Variants in MACROD1 observed in about 807,000 individuals in gnomAD.
MACROD1 encodes mono-ADP ribosylhydrolase 1, also known as ADP-ribose glycohydrolase MACROD1.
MACROD1 carries 31 observed loss-of-function variants against 41.4 expected under a neutral mutation model. The observed-to-expected ratio is 0.75, with a 90% CI of 0.56 to 1.01. The LOEUF (loss-of-function observed/expected upper bound fraction) is 1.01. Ranked by LOEUF, MACROD1 falls within the 50% of genes least tolerant of loss-of-function variation. The pLI is 0.00. For synonymous variants in MACROD1, 252 were observed against 203.4 expected, an observed-to-expected ratio of 1.24 and a Z score of -2.03; for missense variants, 473 against 460.0, an observed-to-expected ratio of 1.03 and a Z score of -0.26.
chr11:64,079,118 C>T (rs1330250481), intron 3 of MACROD1, among the ~76,000 whole-genome samples: 2 of 108,146 alleles, frequency 1.8e-5, no homozygotes, highest in Non-Finnish European at 3.8e-5. Flanking sequence ...CAGTGGGGGG[C>T]GGTGGACGGG....
intron 3 of MACROD1, among the ~76,000 whole-genome samples, chr11:64,112,469 G>A (rs1437393639): frequency 2.0e-5 from 3 of 152,124 alleles, no homozygotes; most frequent in Admixed American, 6.5e-5. Flanking sequence ...ACCCAAGATC[G>A]CTCCACTGCA....
chr11:64,072,413 C>G (rs1417844989), intron 3 of MACROD1, among the ~76,000 whole-genome samples: 1 of 149,930 alleles, frequency 6.7e-6, no homozygotes, highest in Non-Finnish European at 1.5e-5. Context: ...GTCAGCTGAT[C>G]CGGCTCATTT....
At chr11:64,007,459 A>C (rs1243027469) in intron 4 of MACROD1, among the ~76,000 whole-genome samples, 2 of 152,254 alleles carry the variant, frequency 1.3e-5, no homozygotes, top group African/African-American at 4.8e-5. Flanking sequence ...AGAGTCCGGG[A>C]TGAGAGTCCG....
chr11:64,061,659 T>C (rs1299533362), intron 3 of MACROD1, among the ~76,000 whole-genome samples: 1 of 152,032 alleles, frequency 6.6e-6, no homozygotes, highest in Non-Finnish European at 1.5e-5. Flanking sequence ...TTTGATATGA[T>C]ACTATCAAGG....
Position 63,999,449 on chromosome 11 carries a change from C to T in MACROD1, c.818-45G>A, listed in dbSNP as rs774270371. 1.9e-6 allele frequency: 3 copies of T among 1,560,136 alleles called. No individual in the cohort carries two copies. In the African/African-American group the frequency reaches 4.0e-5, roughly 21 times the overall value. ...AGTGAGTCCTAGGCTCTGGCCCCGCCCACTCCCCTGTCCGCCCCGGCCCCT... is the reference window on the plus strand; with the variant it reads ...AGTGAGTCCTAGGCTCTGGCCCCGCTCACTCCCCTGTCCGCCCCGGCCCCT... On this transcript the variant is annotated intron_variant, in intron 7 of 10. Transcript: ENST00000255681.
chr11:64,079,307 G>C (rs1944262310), intron 3 of MACROD1, among the ~76,000 whole-genome samples: 1 of 152,068 alleles, frequency 6.6e-6, no homozygotes, highest in African/African-American at 2.4e-5. Context: ...GATGCCTCTG[G>C]GAATGAGACA....
Position 64,120,425 on chromosome 11 carries a change from G to A in MACROD1, c.517+30814C>T, listed in dbSNP as rs1359642441. On this transcript the variant is annotated intron_variant, in intron 3 of 10. Transcript: ENST00000255681. The surrounding 1 kb of genome is among the most constrained non-coding windows in gnomAD (Gnocchi z 4.5). Reference sequence around the variant, plus strand: ...CCCCAGGCCGGGTGCAGTGGCTCACGCCTGTAATCCCAGCACTTTGGGAGA... The same window carrying A: ...CCCCAGGCCGGGTGCAGTGGCTCACACCTGTAATCCCAGCACTTTGGGAGA... Among the ~76,000 whole-genome samples, 2 of 152,188 alleles carry A rather than the reference G, an allele frequency of 1.3e-5. No homozygotes were observed. The highest frequency in any genetic ancestry group is 2.9e-5 in the Non-Finnish European group (2 of 68,046).
chr11:64,097,266 G>A (rs1307238011), intron 3 of MACROD1, among the ~76,000 whole-genome samples: 1 of 152,256 alleles, frequency 6.6e-6, no homozygotes, highest in Non-Finnish European at 1.5e-5. Flanking sequence ...AGGGGCAGGT[G>A]GCTACGGTCT....
intron 3 of MACROD1, among the ~76,000 whole-genome samples, chr11:64,034,759 CAGA>C (rs1943342744): frequency 6.6e-6 from 1 of 152,192 alleles, no homozygotes; most frequent in Non-Finnish European, 1.5e-5. Flanking sequence ...GGGTCCCAGC[CAGA>C]CTGTGGGCGG....
At chr11:64,030,210 C>G (rs1209453056) in intron 3 of MACROD1, among the ~76,000 whole-genome samples, 1 of 152,034 alleles carries the variant, frequency 6.6e-6, no homozygotes. Flanking sequence ...TACCCACTCC[C>G]CAGTAGCTGG....
intron 1 of MACROD1, 118 bp downstream of exon 1, chr11:64,165,579 C>T (rs1339436708): frequency 2.2e-6 from 2 of 906,354 alleles, no homozygotes; most frequent in Non-Finnish European, 3.1e-6. Flanking sequence ...GCAGATGGGG[C>T]CTCAACTTCC....
At position 64,125,248 on chromosome 11, in the gene MACROD1, A is replaced by T. The variant is rs1005112383; in HGVS notation, c.517+25991T>A. 2.0e-5 allele frequency among the ~76,000 whole-genome samples: 3 copies of T among 151,918 alleles called. 1 individual carries two copies. The highest frequency in any genetic ancestry group is 4.4e-5 in the Non-Finnish European group (3 of 67,962). ...GCACTGTGGCCATCTGAGTGGGCAC[A>T]GTGCCCTGGCCCCCCTGCCTCCCCA... On this transcript the variant is annotated intron_variant, in intron 3 of 10. Coordinates refer to ENST00000255681, the MANE Select transcript of MACROD1 (RefSeq NM_014067.4).
At chr11:64,039,304 AG>A (rs1943441243) in intron 3 of MACROD1, among the ~76,000 whole-genome samples, 1 of 152,106 alleles carries the variant, frequency 6.6e-6, no homozygotes, top group Admixed American at 6.5e-5. Flanking sequence ...CCCCGGGGGT[AG>A]CTTTCCCTGC....
At chr11:64,015,918 G>A (rs1373868654) in intron 3 of MACROD1, among the ~76,000 whole-genome samples, 1 of 152,214 alleles carries the variant, frequency 6.6e-6, no homozygotes, top group Non-Finnish European at 1.5e-5. Context: ...CAGATCAACA[G>A]CGGGGTGACT....
intron 3 of MACROD1, among the ~76,000 whole-genome samples, chr11:64,144,250 G>A (rs978067086): frequency 6.6e-6 from 1 of 152,048 alleles, no homozygotes; most frequent in East Asian, 1.9e-4. Flanking sequence ...TCTCCTCCAG[G>A]CAGCCTTCCC....
At chr11:64,162,449 C>A (rs1390534584) in intron 1 of MACROD1, among the ~76,000 whole-genome samples, 4 of 152,092 alleles carry the variant, frequency 2.6e-5, no homozygotes. Flanking sequence ...GTGCAGCTAG[C>A]TATGATTACA....
At chr11:64,161,243 T>C (rs979522700) in intron 1 of MACROD1, among the ~76,000 whole-genome samples, 2 of 152,064 alleles carry the variant, frequency 1.3e-5, no homozygotes, top group Admixed American at 6.6e-5. Flanking sequence ...TGGAACACTA[T>C]ACAGCAATGA....
intron 4 of MACROD1, among the ~76,000 whole-genome samples, chr11:64,012,479 CA>C (rs1470984814): frequency 1.3e-5 from 2 of 151,816 alleles, no homozygotes; most frequent in African/African-American, 4.8e-5. Flanking sequence ...TGGCTCACTG[CA>C]GCCCCTGCCT....
At chr11:64,078,352 C>G (rs1472052019) in intron 3 of MACROD1, among the ~76,000 whole-genome samples, 2 of 152,238 alleles carry the variant, frequency 1.3e-5, no homozygotes, top group Non-Finnish European at 2.9e-5. Context: ...CAGTCCCTGG[C>G]CCGTCTGCGT....
Sources: allele counts gnomAD v4.1 joint callset (sites outside exome capture counted in the v4.1 genomes callset), GRCh38; gene constraint gnomAD v4.1.1; non-coding constraint Gnocchi (gnomAD v3.1); transcripts MANE v1.5; gene names NCBI Gene and HGNC (gene_info 2026-07-23, HGNC 2026-07-21).